The following ZNF664 variants were observed in gnomAD, a reference collection of about 807,000 sequenced individuals.
ZNF664 encodes the protein zinc finger protein 664.
A neutral mutation model predicts 18.2 loss-of-function variants in ZNF664; 10 were observed. The observed-to-expected ratio is 0.55, with a 90% CI of 0.34 to 0.93. The LOEUF (loss-of-function observed/expected upper bound fraction) is 0.93, where lower values mean the gene tolerates loss of function less well. Among genes scored for constraint, ZNF664 ranks in the 40% least tolerant of loss-of-function variants. The pLI is 0.02. For missense variants in ZNF664, 193 were observed against 319.0 expected (o/e 0.61, Z 3.01); for synonymous variants, 119 against 104.2 (o/e 1.14, Z -0.86).
intron 3 of ZNF664, among the ~76,000 whole-genome samples, chr12:124,006,958 G>A (rs1957079938): frequency 6.6e-6 from 1 of 152,152 alleles, no homozygotes; most frequent in Non-Finnish European, 1.5e-5. Context: ...CAGGATCTGT[G>A]AGCTCTGTGG....
At chr12:123,994,004 A>C (rs1384277258) in intron 3 of ZNF664, among the ~76,000 whole-genome samples, 1 of 152,186 alleles carries the variant, frequency 6.6e-6, no homozygotes, top group Non-Finnish European at 1.5e-5. Context: ...AGATGGAATA[A>C]ATTCTGAATC....
intron 2 of ZNF664, among the ~76,000 whole-genome samples, chr12:123,975,914 T>C (rs778147721): frequency 6.6e-5 from 10 of 152,238 alleles, no homozygotes; most frequent in Non-Finnish European, 1.3e-4. Flanking sequence ...GGAAAAGGGA[T>C]TGTTACTAAA....
chr12:123,982,170 T>C (rs1272148341), intron 2 of ZNF664, among the ~76,000 whole-genome samples: 1 of 152,090 alleles, frequency 6.6e-6, no homozygotes, highest in African/African-American at 2.4e-5. Context: ...ATAGGCAGAG[T>C]GGTGCCCTTT....
chr12:124,008,027 CTT>C (rs1957093490), intron 3 of ZNF664, among the ~76,000 whole-genome samples: 2 of 152,190 alleles, frequency 1.3e-5, no homozygotes, highest in East Asian at 3.9e-4. Flanking sequence ...TGACTGTCCT[CTT>C]TTAGCAGCTG....
At chr12:123,998,168 T>C (rs769572310) in intron 3 of ZNF664, among the ~76,000 whole-genome samples, 3 of 152,134 alleles carry the variant, frequency 2.0e-5, no homozygotes, top group Non-Finnish European at 2.9e-5. Flanking sequence ...CGGGAGCCTT[T>C]CTTATACTTT....
chr12:123,980,421 C>A (rs1388656652), intron 2 of ZNF664, among the ~76,000 whole-genome samples: 1 of 152,072 alleles, frequency 6.6e-6, no homozygotes, highest in Non-Finnish European at 1.5e-5. Flanking sequence ...TGTCAAGAGT[C>A]TTAAAATTAT....
intron 2 of ZNF664, among the ~76,000 whole-genome samples, chr12:123,980,167 G>C (rs1594542227): frequency 6.6e-6 from 1 of 152,164 alleles, no homozygotes; most frequent in African/African-American, 2.4e-5. Flanking sequence ...AAAAAGACTA[G>C]AATACCTGAA....
chr12:123,986,113 CG>C (rs984883965), intron 2 of ZNF664, among the ~76,000 whole-genome samples: 2 of 142,254 alleles, frequency 1.4e-5, no homozygotes, highest in African/African-American at 5.3e-5. Flanking sequence ...GCATGTCTGG[CG>C]GGGGGCTGGA....
At chr12:123,981,205 G>T (rs1452882496) in intron 2 of ZNF664, among the ~76,000 whole-genome samples, 1 of 152,122 alleles carries the variant, frequency 6.6e-6, no homozygotes, top group Non-Finnish European at 1.5e-5. Flanking sequence ...CCTTTGTGAT[G>T]GGGGGAAGTC....
Position 123,973,339 on chromosome 12 carries a change from T to TC in ZNF664, c.-901dup. 1.1e-6 allele frequency: 1 copy of TC among 920,758 alleles called. No homozygotes were observed. Among genetic ancestry groups the TC allele is most frequent in the African/African-American group, 2.0e-5 (1 of 51,088 alleles). The allele number at this position is 920,758 out of a possible 1,614,324, so 57.0% of individuals were successfully genotyped here. The stretch of plus-strand genomic sequence containing the variant: ...GGCGCCCGCGGCCTGGGGCGCTGAC[T>TC]CCCCTCACTTGGAGTGAGTTCTCGG... On this transcript the variant is annotated 5_prime_UTR_variant, in exon 1 of 5. Coordinates refer to ENST00000337815, the MANE Select transcript of ZNF664 (RefSeq NM_152437.3).
Position 123,994,115 on chromosome 12 carries a change from G to A in ZNF664, c.-661+5977G>A, listed in dbSNP as rs536492713. Among the ~76,000 whole-genome samples, 5 of 152,202 alleles carry A rather than the reference G, an allele frequency of 3.3e-5. No individual in the cohort carries two copies. In the East Asian group the frequency reaches 5.8e-4, roughly 18 times the overall value. On this transcript the variant is annotated intron_variant, in intron 3 of 4. Coordinates refer to ENST00000337815, the MANE Select transcript of ZNF664 (RefSeq NM_152437.3). ...GAATTATTTTGGAGGACTTTGGGGGGCGTTTTTCTTATATCTAGAAGAGGA... is the reference window on the plus strand; with the variant it reads ...GAATTATTTTGGAGGACTTTGGGGGACGTTTTTCTTATATCTAGAAGAGGA...
chr12:123,992,768 A>C (rs1018289101), intron 3 of ZNF664, among the ~76,000 whole-genome samples: 3 of 152,170 alleles, frequency 2.0e-5, no homozygotes, highest in Non-Finnish European at 4.4e-5. Context: ...AGCAGAATGC[A>C]TTGGTGCCTG....
At chr12:123,980,803 C>T (rs1022906635) in intron 2 of ZNF664, among the ~76,000 whole-genome samples, 8 of 152,152 alleles carry the variant, frequency 5.3e-5, no homozygotes, top group East Asian at 1.9e-4. Context: ...GGTAGGATGT[C>T]GGGTGATTTA....
At chr12:123,981,297 C>T (rs1021625391) in intron 2 of ZNF664, among the ~76,000 whole-genome samples, 1 of 151,998 alleles carries the variant, frequency 6.6e-6, no homozygotes, top group Non-Finnish European at 1.5e-5. Flanking sequence ...AATATTTGTC[C>T]CCTCCAAAAC....
intron 2 of ZNF664, among the ~76,000 whole-genome samples, chr12:123,982,500 C>G (rs1244551108): frequency 6.6e-6 from 1 of 152,178 alleles, no homozygotes; most frequent in Non-Finnish European, 1.5e-5. Flanking sequence ...CCCAGGTGGT[C>G]ACTCTGGAAG....
intron 3 of ZNF664, among the ~76,000 whole-genome samples, chr12:123,994,402 G>T (rs1386128399): frequency 6.6e-6 from 1 of 152,152 alleles, no homozygotes; most frequent in East Asian, 1.9e-4. Flanking sequence ...ATTTAAAAAT[G>T]ATAAACTCAT....
intron 2 of ZNF664, among the ~76,000 whole-genome samples, chr12:123,985,445 A>G (rs1297991731): frequency 1.3e-5 from 2 of 152,264 alleles, no homozygotes; most frequent in Non-Finnish European, 2.9e-5. Flanking sequence ...CTATTCTGAC[A>G]CACGTCAAAT....
intron 3 of ZNF664, chr12:123,998,283 T>G (rs1358367577): frequency 6.6e-6 from 1 of 152,212 alleles, no homozygotes; most frequent in Admixed American, 6.5e-5. Context: ...TCCTAAAAGA[T>G]AGAGTCCTGA....
intron 3 of ZNF664, 94 bp downstream of exon 3, chr12:123,988,232 T>C: frequency 8.5e-7 from 1 of 1,173,036 alleles, no homozygotes; most frequent in African/African-American, 1.6e-5. Context: ...TTTCTGAGCA[T>C]GTGCCCTTTG....
Sources: allele counts gnomAD v4.1 joint callset (sites outside exome capture counted in the v4.1 genomes callset), GRCh38; gene constraint gnomAD v4.1.1; transcripts MANE v1.5; gene names NCBI Gene and HGNC (gene_info 2026-07-23, HGNC 2026-07-21).